Variants in HDAC9 observed in about 807,000 individuals in gnomAD.
HDAC9 encodes histone deacetylase 9, also known as MEF-2 interacting transcription repressor (MITR) protein.
A neutral mutation model predicts 139.4 loss-of-function variants in HDAC9; 41 were observed. That is an observed-to-expected ratio of 0.29 (90% CI 0.23 to 0.38). HDAC9 has a LOEUF of 0.38. Ranked by LOEUF, HDAC9 falls within the 10% of genes least tolerant of loss-of-function variation. The probability of loss-of-function intolerance (pLI) is 1.00; values close to 1 mark genes in which losing one functional copy is unlikely to be tolerated. For missense variants in HDAC9, 1,147 were observed against 1,297.0 expected, an observed-to-expected ratio of 0.88 and a Z score of 1.78; for synonymous variants, 517 against 476.2, an observed-to-expected ratio of 1.09 and a Z score of -1.12.
At chr7:18,737,754 T>C (rs1285266263) in intron 13 of HDAC9, among the ~76,000 whole-genome samples, 1 of 152,000 alleles carries the variant, frequency 6.6e-6, no homozygotes, top group Non-Finnish European at 1.5e-5. Flanking sequence ...GGGTGGAGAG[T>C]TCTGTAGATG....
chr7:18,732,191 C>G (rs551522930), intron 13 of HDAC9, among the ~76,000 whole-genome samples: 1 of 152,002 alleles, frequency 6.6e-6, no homozygotes, highest in African/African-American at 2.4e-5. Flanking sequence ...ATTGAACTTT[C>G]GTGGTAACAT....
At chr7:18,435,147 T>A (rs943964647) in intron 1 of HDAC9, among the ~76,000 whole-genome samples, 1 of 148,678 alleles carries the variant, frequency 6.7e-6, no homozygotes, top group East Asian at 2.0e-4. Flanking sequence ...AGTGAACTAA[T>A]GCAGGAACAG....
chr7:18,364,925 T>C (rs1308103774), intron 1 of HDAC9, among the ~76,000 whole-genome samples: 5 of 152,144 alleles, frequency 3.3e-5, no homozygotes, highest in Admixed American at 6.6e-5. Context: ...GGAAATTTAT[T>C]TTTATGAACA....
chr7:18,427,552 C>T (rs1283487030), intron 1 of HDAC9, among the ~76,000 whole-genome samples: 1 of 151,994 alleles, frequency 6.6e-6, no homozygotes, highest in African/African-American at 2.4e-5. Flanking sequence ...CTATCTGCTC[C>T]ACCTCTACCA....
At chr7:18,237,593 G>A (rs1459496327) in intron 2 of HDAC9, among the ~76,000 whole-genome samples, 1 of 152,182 alleles carries the variant, frequency 6.6e-6, no homozygotes, top group Non-Finnish European at 1.5e-5. Context: ...ACACTAGGGA[G>A]TTAATGGTCA....
intron 3 of HDAC9, among the ~76,000 whole-genome samples, chr7:18,589,210 C>T (rs898780228): frequency 6.6e-6 from 1 of 152,170 alleles, no homozygotes; most frequent in Admixed American, 6.5e-5. Flanking sequence ...TGGAAATAGA[C>T]ATCTCAAGAT....
chr7:18,954,946 A>T (rs758613435), intron 24 of HDAC9, among the ~76,000 whole-genome samples: 9 of 152,018 alleles, frequency 5.9e-5, no homozygotes, highest in Non-Finnish European at 1.0e-4. Flanking sequence ...TTCAGTAGCA[A>T]TTTGGAGATA....
chr7:18,299,747 G>A (rs1247950342), intron 1 of HDAC9, among the ~76,000 whole-genome samples: 1 of 152,166 alleles, frequency 6.6e-6, no homozygotes, highest in Non-Finnish European at 1.5e-5. Context: ...GATTGGCGGA[G>A]GGGTAAAGGA....
intron 2 of HDAC9, among the ~76,000 whole-genome samples, chr7:18,175,771 C>A (rs10276769): frequency 3.6e-5 from 3 of 84,408 alleles, no homozygotes; most frequent in African/African-American, 1.2e-4. Flanking sequence ...ATTTTTAACC[C>A]CCCCCCCCCT....
intron 2 of HDAC9, among the ~76,000 whole-genome samples, chr7:18,532,923 TGAG>T (rs1394721151): frequency 3.9e-5 from 6 of 152,150 alleles, no homozygotes; most frequent in Non-Finnish European, 7.4e-5. Context: ...GCCTGTGAGA[TGAG>T]GAGGTTCCCC....
intron 1 of HDAC9, among the ~76,000 whole-genome samples, chr7:18,153,487 T>C (rs1786936938): frequency 6.6e-6 from 1 of 152,180 alleles, no homozygotes; most frequent in Admixed American, 6.5e-5. Flanking sequence ...TATAAAGTTC[T>C]GTACAAATGA....
intron 2 of HDAC9, among the ~76,000 whole-genome samples, chr7:18,225,529 G>C (rs1792997365): frequency 6.6e-6 from 1 of 152,018 alleles, no homozygotes; most frequent in African/African-American, 2.4e-5. Flanking sequence ...CAAATTTTGA[G>C]AATATATATT....
At chr7:18,210,628 C>A (rs139863041) in intron 2 of HDAC9, among the ~76,000 whole-genome samples, 1 of 152,142 alleles carries the variant, frequency 6.6e-6, no homozygotes, top group African/African-American at 2.4e-5. Context: ...TGTTTTTAGG[C>A]ACTTGCTATA....
At chr7:18,212,717 G>A (rs1485812265) in intron 2 of HDAC9, among the ~76,000 whole-genome samples, 1 of 152,156 alleles carries the variant, frequency 6.6e-6, no homozygotes, top group African/African-American at 2.4e-5. Flanking sequence ...AATGGCCAGG[G>A]AGCAGGTAAG....
chr7:18,601,916 A>G (rs750942827), intron 6 of HDAC9, among the ~76,000 whole-genome samples: 6 of 152,174 alleles, frequency 3.9e-5, no homozygotes, highest in African/African-American at 1.2e-4. Context: ...GAGATAATTG[A>G]TCAATGGCTA....
chr7:18,731,022 A>G (rs995990600), intron 13 of HDAC9, among the ~76,000 whole-genome samples: 6 of 152,228 alleles, frequency 3.9e-5, no homozygotes, highest in African/African-American at 1.4e-4. Context: ...CATAGAGAGC[A>G]TGGAGCTGCT....
chr7:18,835,081 T>G (rs1376513344), intron 19 of HDAC9, among the ~76,000 whole-genome samples: 1 of 152,148 alleles, frequency 6.6e-6, no homozygotes, highest in Non-Finnish European at 1.5e-5. Context: ...AGTCATAAAA[T>G]TCCTCCATAA....
intron 2 of HDAC9, among the ~76,000 whole-genome samples, chr7:18,251,249 T>C (rs73066357): frequency 0.018 from 2,802 of 152,094 alleles, 43 homozygotes; most frequent in Middle Eastern, 0.068. Context: ...AGCAAACTAA[T>C]GCAGAGAGAG....
chr7:18,252,240 G>A (rs578084890), intron 2 of HDAC9, among the ~76,000 whole-genome samples: 9 of 152,164 alleles, frequency 5.9e-5, no homozygotes, highest in Non-Finnish European at 1.2e-4. Flanking sequence ...CTCAAGTCCT[G>A]AAGTGGGGCA....
Sources: allele counts gnomAD v4.1 joint callset (sites outside exome capture counted in the v4.1 genomes callset), GRCh38; gene constraint gnomAD v4.1.1; transcripts MANE v1.5; gene names NCBI Gene and HGNC (gene_info 2026-07-23, HGNC 2026-07-21).